SNAP91: variants seen among roughly 807,000 people sequenced by gnomAD.
SNAP91 encodes synaptosome associated protein 91, also known as clathrin coat assembly protein AP180.
A neutral mutation model predicts 100.3 loss-of-function variants in SNAP91; 27 were observed. That is an observed-to-expected ratio of 0.27 (90% CI 0.20 to 0.37). The LOEUF (loss-of-function observed/expected upper bound fraction) is 0.37. Ranked by LOEUF, SNAP91 falls within the 10% of genes least tolerant of loss-of-function variation. The pLI, the probability that SNAP91 is intolerant of heterozygous loss-of-function variation, is 1.00. For missense variants in SNAP91, 986 were observed against 1,123.7 expected, an observed-to-expected ratio of 0.88 and a Z score of 1.75; for synonymous variants, 404 against 398.6, an observed-to-expected ratio of 1.01 and a Z score of -0.16.
At position 83,669,431 on chromosome 6, in the gene SNAP91, T is replaced by G. The variant is rs2098744026; in HGVS notation, c.131-3850A>C. On this transcript the variant is annotated intron_variant, in intron 2 of 29. Coordinates refer to ENST00000369694, the MANE Select transcript of SNAP91 (RefSeq NM_001242792.2). Reference sequence around the variant, plus strand: ...TATCAGTTTCTTAGAATTCTAAGTTTTATTTGAACTTGGGAAGATATATCT... The same window carrying G: ...TATCAGTTTCTTAGAATTCTAAGTTGTATTTGAACTTGGGAAGATATATCT... Among the ~76,000 whole-genome samples, 5 of 152,038 alleles carry G rather than the reference T, an allele frequency of 3.3e-5. 1 individual carries two copies. In the South Asian group the frequency reaches 6.2e-4, roughly 19 times the overall value.
At chr6:83,575,240 T>C in intron 25 of SNAP91, 119 bp from the exon 26 acceptor site, 1 of 718,338 alleles carries the variant, frequency 1.4e-6, no homozygotes, top group Non-Finnish European at 2.4e-6. Context: ...AGTCAAGTGG[T>C]ATAGTAATAA....
intron 2 of SNAP91, among the ~76,000 whole-genome samples, chr6:83,676,861 G>T (rs886563028): frequency 2.0e-5 from 3 of 152,150 alleles, no homozygotes; most frequent in Non-Finnish European, 2.9e-5. Context: ...GCTTATATTA[G>T]TGTGGCAATG....
chr6:83,586,958 A>C (rs1437144184), intron 22 of SNAP91, among the ~76,000 whole-genome samples: 1 of 152,176 alleles, frequency 6.6e-6, no homozygotes. Context: ...GGGGTAGAAG[A>C]CGACTAAGGC....
Position 83,553,466 on chromosome 6 carries a change from T to C in SNAP91, c.*830A>G, listed in dbSNP as rs1247306845. 6.6e-6 allele frequency: 1 copy of C among 152,166 alleles called. No homozygotes were observed. The highest frequency in any genetic ancestry group is 1.9e-4 in the East Asian group (1 of 5,202). 9.4% of individuals were successfully genotyped at this position (152,166 alleles called of 1,614,324 possible). A position where few individuals can be genotyped will look rare whatever the true frequency, so the allele number is the denominator to read the frequency against. On this transcript the variant is annotated 3_prime_UTR_variant, in exon 30 of 30. Coordinates refer to ENST00000369694, the MANE Select transcript of SNAP91 (RefSeq NM_001242792.2). Reference sequence around the variant, plus strand: ...TGGGGTGCCTTCAGAATCACTTGAATAGCACCTCTCTAACCGCATTTTCAT... The same window carrying C: ...TGGGGTGCCTTCAGAATCACTTGAACAGCACCTCTCTAACCGCATTTTCAT...
At chr6:83,676,658 G>A (rs769275013) in intron 2 of SNAP91, among the ~76,000 whole-genome samples, 13 of 152,202 alleles carry the variant, frequency 8.5e-5, no homozygotes, top group Non-Finnish European at 1.5e-4. Context: ...GGTCACAGAA[G>A]GGACTTGATA....
At chr6:83,706,046 C>A (rs761859343) in intron 2 of SNAP91, among the ~76,000 whole-genome samples, 2 of 152,166 alleles carry the variant, frequency 1.3e-5, no homozygotes, top group Non-Finnish European at 2.9e-5. Flanking sequence ...AAACCTCCTA[C>A]CTTCAAATTT....
chr6:83,651,164 G>A (rs1166621374), intron 7 of SNAP91, among the ~76,000 whole-genome samples: 1 of 151,852 alleles, frequency 6.6e-6, no homozygotes, highest in African/African-American at 2.4e-5. Context: ...TCTGGCTAGA[G>A]ACTTATTGAT....
In SNAP91 at chr6:83,559,197, G is replaced by C. The variant is rs1783402042; in HGVS notation, c.2631+907C>G. Among the ~76,000 whole-genome samples the C allele has an allele frequency of 2.0e-5, 3 of 152,182 alleles. No homozygotes were observed. The South Asian group carries it at 6.2e-4, about 32-fold the overall frequency. ...AGAAAGCCCAACCATGAGATTTTAG[G>C]GCTGGGTCTTTGGGCCACATGAAAC... is the stretch of plus-strand genomic sequence containing the variant. On this transcript the variant is annotated intron_variant, in intron 28 of 29. Coordinates refer to ENST00000369694, the MANE Select transcript of SNAP91 (RefSeq NM_001242792.2).
At chr6:83,569,178 C>T (rs1476551035) in intron 26 of SNAP91, among the ~76,000 whole-genome samples, 1 of 152,076 alleles carries the variant, frequency 6.6e-6, no homozygotes, top group East Asian at 1.9e-4. Flanking sequence ...GTGTAAAATG[C>T]TAAGTAAAAT....
At chr6:83,554,744 G>A (rs1053455395) in intron 29 of SNAP91, among the ~76,000 whole-genome samples, 1 of 152,148 alleles carries the variant, frequency 6.6e-6, no homozygotes, top group East Asian at 1.9e-4. Context: ...GAATAGAAGA[G>A]AACAGAGAGA....
intron 11 of SNAP91, 22 bp downstream of exon 11, chr6:83,614,835 A>T (rs373049612): frequency 6.4e-6 from 10 of 1,559,650 alleles, no homozygotes; most frequent in Non-Finnish European, 8.6e-6. Context: ...AATGCAAAAA[A>T]CTCACTCCAT....
chr6:83,687,594 T>C (rs985016462), intron 2 of SNAP91, among the ~76,000 whole-genome samples: 6 of 152,130 alleles, frequency 3.9e-5, no homozygotes, highest in African/African-American at 1.2e-4. Context: ...CTTTGAAAGT[T>C]TGGCTGAGTG....
intron 8 of SNAP91, among the ~76,000 whole-genome samples, chr6:83,638,651 A>G (rs981161469): frequency 1.3e-5 from 2 of 152,332 alleles, no homozygotes; most frequent in African/African-American, 4.8e-5. Context: ...GATCCCTAAT[A>G]CTGAAATCAG....
chr6:83,614,940 G>C, intron 10 of SNAP91, 78 bp from the exon 11 acceptor site: 1 of 1,183,160 alleles, frequency 8.5e-7, no homozygotes, highest in South Asian at 1.5e-5. Flanking sequence ...TAAAAAATAG[G>C]GAATAAGCAA....
chr6:83,599,239 T>C (rs2094874343), intron 16 of SNAP91, among the ~76,000 whole-genome samples: 2 of 152,148 alleles, frequency 1.3e-5, no homozygotes, highest in African/African-American at 2.4e-5. Context: ...TCTTAGTCTT[T>C]ATTATTCTAG....
intron 7 of SNAP91, among the ~76,000 whole-genome samples, chr6:83,642,551 A>T (rs1024285938): frequency 6.6e-6 from 1 of 152,186 alleles, no homozygotes; most frequent in Non-Finnish European, 1.5e-5. Flanking sequence ...AGTATTCCAC[A>T]GTGTATATGT....
intron 2 of SNAP91, among the ~76,000 whole-genome samples, chr6:83,706,563 G>A (rs2099385875): frequency 6.6e-6 from 1 of 152,260 alleles, no homozygotes; most frequent in South Asian, 2.1e-4. Flanking sequence ...AGGTTCACAA[G>A]GCTGGACAAC....
chr6:83,611,863 A>ATTTTTTT (rs750966269), intron 11 of SNAP91, among the ~76,000 whole-genome samples: 26 of 91,260 alleles, frequency 2.8e-4, no homozygotes, highest in African/African-American at 1.2e-3. Flanking sequence ...CGCCCGGCTA[A>ATTTTTTT]TTTTTTTTTT....
Position 83,662,720 on chromosome 6 carries a change from T to C in SNAP91, c.274-298A>G, listed in dbSNP as rs146666676. Among the ~76,000 whole-genome samples, 312 of 152,238 alleles carry C rather than the reference T, an allele frequency of 2.0e-3. 3 individuals are homozygous for C. Among genetic ancestry groups the C allele is most frequent in the South Asian group, 0.016 (78 of 4,824 alleles). ...TTATCAGTATTTTCCAAAATAAATA[T>C]CTTACGAATGCAATTTTCACTCAAA... On this transcript the variant is annotated intron_variant, in intron 3 of 29. Coordinates refer to ENST00000369694, the MANE Select transcript of SNAP91 (RefSeq NM_001242792.2).
Sources: gnomAD v4.1 joint callset for allele counts (sites outside exome capture counted in the v4.1 genomes callset) on GRCh38, gnomAD v4.1.1 for gene constraint, MANE v1.5 for transcripts, NCBI Gene and HGNC (gene_info 2026-07-23, HGNC 2026-07-21) for gene names.